The following DRAM2 variants were observed in gnomAD, a reference collection of about 807,000 sequenced individuals.
The protein encoded by DRAM2 is DNA damage regulated autophagy modulator 2.
Under a neutral mutation model 33.5 loss-of-function variants are expected in DRAM2, and 26 were observed. The observed-to-expected ratio is 0.78, with a 90% CI of 0.57 to 1.08. The LOEUF is 1.08. DRAM2 is among the 50% of genes least tolerant of loss of function. DRAM2 has a pLI of 0.00. For missense variants in DRAM2, 311 were observed against 318.1 expected, an observed-to-expected ratio of 0.98 and a Z score of 0.17; for synonymous variants, 98 against 109.5, an observed-to-expected ratio of 0.89 and a Z score of 0.66.
chr1:111,131,949 A>G lies in DRAM2; in HGVS notation c.-14-381T>C, dbSNP rs75684721. Reference sequence around the variant, plus strand: ...GGGTACCTGTGATATTGTGAAATACATATGTATTTGGTCTTCATCCCATTT... The same window carrying G: ...GGGTACCTGTGATATTGTGAAATACGTATGTATTTGGTCTTCATCCCATTT... On this transcript the variant is annotated intron_variant, in intron 3 of 9. Coordinates refer to ENST00000484310, the MANE Select transcript of DRAM2 (RefSeq NM_001349884.2). Among the ~76,000 whole-genome samples the G allele has an allele frequency of 4.8e-3, 724 of 152,334 alleles. 11 individuals carry two copies. The highest frequency in any genetic ancestry group is 0.017 in the African/African-American group (692 of 41,570).
At chr1:111,128,170 T>C (rs1651408179) in intron 4 of DRAM2, 2 of 144,758 alleles carry the variant, frequency 1.4e-5, no homozygotes, top group South Asian at 2.2e-4. Flanking sequence ...AGAGTCTCGC[T>C]CTGTTGCCCA....
At chr1:111,134,026 AC>A (rs1167633952) in intron 3 of DRAM2, among the ~76,000 whole-genome samples, 4 of 152,158 alleles carry the variant, frequency 2.6e-5, no homozygotes, top group African/African-American at 9.7e-5. Flanking sequence ...TGTTCTGTTC[AC>A]TATTATATTT....
intron 4 of DRAM2, among the ~76,000 whole-genome samples, 180 bp from the exon 5 acceptor site, chr1:111,126,474 C>T (rs1436758368): frequency 6.6e-6 from 1 of 151,822 alleles, no homozygotes; most frequent in Non-Finnish European, 1.5e-5. Context: ...TATCTGCCTA[C>T]TTCACCTTTT....
chr1:111,124,866 T>C lies in DRAM2; in HGVS notation c.215A>G (p.Tyr72Cys). Reference protein sequence around the residue: ...IAAVLCIATIYVRYKQVHALS... With the variant: ...IAAVLCIATICVRYKQVHALS... ...AGCATGAACTTGCTTATAACGAACATAAATGGTAGCAATGCCTGGGAAAAG... is the reference window on the plus strand; with the variant it reads ...AGCATGAACTTGCTTATAACGAACACAAATGGTAGCAATGCCTGGGAAAAG... The change falls in exon 6 of 10, where the codon TAT (tyrosine) becomes TGT (cysteine). Residue 72 changes from tyrosine to cysteine, a missense_variant. Physicochemically the swap from Tyr to Cys is radical, Grantham distance 194. Transcript: ENST00000484310. 1.9e-6 allele frequency: 3 copies of C among 1,611,648 alleles called. No individual in the cohort carries two copies. Among genetic ancestry groups the C allele is most frequent in the South Asian group, 2.2e-5 (2 of 90,630 alleles).
chr1:111,131,060 T>A (rs1651984099), intron 4 of DRAM2, among the ~76,000 whole-genome samples: 1 of 151,988 alleles, frequency 6.6e-6, no homozygotes, highest in Non-Finnish European at 1.5e-5. Context: ...TATTAAGACA[T>A]GTTTGTCATT....
Position 111,118,878 on chromosome 1 carries a change from A to G in DRAM2, c.620T>C (p.Ile207Thr). ...CATAGACCATTCTGCTGCAGTAGTG[A>G]TCATGTGAAGCACATAACCCTGAGT... is the stretch of plus-strand genomic sequence containing the variant. ...PEDKGYVLHM[I>T]TTAAEWSMSF... Residue 207 changes from isoleucine to threonine, a missense_variant, in exon 9 of 10, where the codon ATC (isoleucine) becomes ACC (threonine). Physicochemically the swap from Ile to Thr is moderately conservative, Grantham distance 89. Coordinates refer to ENST00000484310, the MANE Select transcript of DRAM2 (RefSeq NM_001349884.2). 1 of 1,609,130 alleles carries G rather than the reference A, an allele frequency of 6.2e-7. No individual in the cohort carries two copies. The highest frequency in any genetic ancestry group is 8.5e-7 in the Non-Finnish European group (1 of 1,177,252).
chr1:111,118,130 T>C lies in DRAM2; in HGVS notation c.*30A>G. ...ACCTTTCCCCAATCCCTGAGAATCATAATCATTACAGAAATATTTTATCCT... is the reference window on the plus strand; with the variant it reads ...ACCTTTCCCCAATCCCTGAGAATCACAATCATTACAGAAATATTTTATCCT... On this transcript the variant is annotated 3_prime_UTR_variant, in exon 10 of 10. Coordinates refer to ENST00000484310, the MANE Select transcript of DRAM2 (RefSeq NM_001349884.2). 3 of 1,596,802 alleles carry C rather than the reference T, an allele frequency of 1.9e-6. No individual in the cohort carries two copies. Among genetic ancestry groups the C allele is most frequent in the Non-Finnish European group, 2.6e-6 (3 of 1,164,664 alleles).
At chr1:111,127,411 T>C (rs1344386649) in intron 4 of DRAM2, among the ~76,000 whole-genome samples, 26 of 151,988 alleles carry the variant, frequency 1.7e-4, no homozygotes, top group Non-Finnish European at 5.9e-5. Flanking sequence ...GTATTAAACA[T>C]GAATTGTAAG....
At chr1:111,119,614 C>T (rs644081) in intron 8 of DRAM2, 76,924 of 430,970 alleles carry the variant, frequency 0.18, 8,258 homozygotes, top group Middle Eastern at 0.24. Flanking sequence ...ACTATACCCA[C>T]ATTTAGGGGA....
In DRAM2 at chr1:111,131,456, G is replaced by A; in HGVS notation, c.99C>T (p.Leu33=). 3 of 1,614,056 alleles carry A rather than the reference G, an allele frequency of 1.9e-6. No homozygotes were observed. The highest frequency in any genetic ancestry group is 2.5e-6 in the Non-Finnish European group (3 of 1,179,942). The change falls in exon 4 of 10, where the codon CTC becomes CTT. Residue 33 remains leucine, a synonymous_variant. Transcript: ENST00000484310. ...FIFSYITAVT[L]HHIDPALPYI... is the part of the protein sequence containing the mutation. ...AAGGTAAAGCCGGGTCTATATGGTG[G>A]AGTGTTACTGCAGTAATGTATGAAA... is the stretch of plus-strand genomic sequence containing the variant.
At chr1:111,133,175 TACC>T (rs1265167084) in intron 3 of DRAM2, among the ~76,000 whole-genome samples, 3 of 146,278 alleles carry the variant, frequency 2.1e-5, no homozygotes, top group African/African-American at 2.6e-5. Context: ...TGTCTTTACT[TACC>T]TTTTTTTTTT....
intron 4 of DRAM2, 64 bp downstream of exon 4, chr1:111,131,359 AC>A: frequency 1.4e-6 from 2 of 1,446,704 alleles, no homozygotes; most frequent in Non-Finnish European, 1.9e-6. Context: ...TTAAATGTTG[AC>A]TTCAATGTTA....
Position 111,139,606 on chromosome 1 carries a change from C to G in DRAM2, c.-184G>C, listed in dbSNP as rs750817782. ...AACAAACCAGAGGAATTAATTAGAC[C>G]GCTGATTTTCTCCGGAAGCGCGAAG... On this transcript the variant is annotated 5_prime_UTR_variant, in exon 2 of 10. Transcript: ENST00000484310. The G allele has an allele frequency of 6.6e-6, 1 of 151,640 alleles. No homozygotes were observed. The highest frequency in any genetic ancestry group is 1.5e-5 in the Non-Finnish European group (1 of 68,072). The allele number at this position is 151,640 out of a possible 1,614,324, so 9.4% of individuals were successfully genotyped here.
At position 111,119,081 on chromosome 1, in the gene DRAM2, G is replaced by T. The variant is rs111396882; in HGVS notation, c.601-184C>A. Among the ~76,000 whole-genome samples, 324 of 151,968 alleles carry T rather than the reference G, an allele frequency of 2.1e-3. 1 individual carries two copies. The highest frequency in any genetic ancestry group is 7.3e-3 in the African/African-American group (301 of 41,506). On this transcript the variant is annotated intron_variant, in intron 8 of 9. Transcript: ENST00000484310. ...CCAGCATTAGGAAATCCTCCTAAATGACACTCTATTTGTTTCACTGGGAGC... is the reference window on the plus strand; with the variant it reads ...CCAGCATTAGGAAATCCTCCTAAATTACACTCTATTTGTTTCACTGGGAGC...
chr1:111,125,140 T>A (rs529621853), intron 5 of DRAM2, among the ~76,000 whole-genome samples: 1 of 152,302 alleles, frequency 6.6e-6, no homozygotes, highest in Admixed American at 6.5e-5. Flanking sequence ...GCCTCCCAGA[T>A]AGCTGGGACT....
intron 4 of DRAM2, among the ~76,000 whole-genome samples, chr1:111,127,276 G>C (rs1278843345): frequency 2.0e-5 from 3 of 152,032 alleles, no homozygotes; most frequent in Non-Finnish European, 4.4e-5. Context: ...CATACTACAG[G>C]AAAGAGATAA....
In DRAM2 at chr1:111,131,410, T is replaced by C; in HGVS notation, c.131+14A>G. The C allele has an allele frequency of 1.9e-6, 3 of 1,609,620 alleles. No individual in the cohort carries two copies. The highest frequency in any genetic ancestry group is 2.5e-6 in the Non-Finnish European group (3 of 1,177,814). On this transcript the variant is annotated intron_variant, in intron 4 of 9. Coordinates refer to ENST00000484310, the MANE Select transcript of DRAM2 (RefSeq NM_001349884.2). ...CATAAAGAGTCTCCTATACAAAGAA[T>C]ACATTTCACTTACCTGATATAAGGT...
chr1:111,135,168 T>G (rs191720483), intron 3 of DRAM2, among the ~76,000 whole-genome samples: 1 of 152,172 alleles, frequency 6.6e-6, no homozygotes, highest in Non-Finnish European at 1.5e-5. Context: ...TCCAATACCA[T>G]GAGTTGTACA....
chr1:111,134,290 T>C (rs1428832334), intron 3 of DRAM2, among the ~76,000 whole-genome samples: 2 of 151,642 alleles, frequency 1.3e-5, no homozygotes, highest in Non-Finnish European at 2.9e-5. Flanking sequence ...TTTGAAGGAG[T>C]ATCTTCTCAT....
Sources: gnomAD v4.1 joint callset for allele counts (sites outside exome capture counted in the v4.1 genomes callset) on GRCh38, gnomAD v4.1.1 for gene constraint, MANE v1.5 for transcripts, NCBI Gene and HGNC (gene_info 2026-07-23, HGNC 2026-07-21) for gene names.